TTC14: variants seen among roughly 807,000 people sequenced by gnomAD.
TTC14 encodes tetratricopeptide repeat domain 14.
Under a neutral mutation model 79.9 loss-of-function variants are expected in TTC14, and 63 were observed. The ratio of observed to expected loss-of-function variants is 0.79; its 90% confidence interval spans 0.64 to 0.97. TTC14 has a LOEUF of 0.97. Among genes scored for constraint, TTC14 ranks in the 50% least tolerant of loss-of-function variants. The pLI is 0.00. For missense variants in TTC14, 895 were observed against 894.0 expected, an observed-to-expected ratio of 1.00 and a Z score of -0.01; for synonymous variants, 335 against 309.6, an observed-to-expected ratio of 1.08 and a Z score of -0.86.
chr3:180,611,134 G>A (rs1162491339), downstream of TTC14: 13 of 985,026 alleles, frequency 1.3e-5, no homozygotes, highest in Non-Finnish European at 1.6e-5. Context: ...ACAGTCATTG[G>A]CTTCCACCCA....
At position 180,610,637 on chromosome 3, in the gene TTC14, C is replaced by T; in HGVS notation, c.*95C>T. On this transcript the variant is annotated 3_prime_UTR_variant, in exon 12 of 12. Transcript: ENST00000296015. Reference sequence around the variant, plus strand: ...CAGTTGAGTGCAGAAATCTCTGCTTCTAAAATTATTTGTAGAGATTACAGG... The same window carrying T: ...CAGTTGAGTGCAGAAATCTCTGCTTTTAAAATTATTTGTAGAGATTACAGG... 6.8e-7 allele frequency: 1 copy of T among 1,480,664 alleles called. No homozygotes were observed. Among genetic ancestry groups the T allele is most frequent in the Admixed American group, 2.6e-5 (1 of 38,762 alleles). 91.7% of individuals were successfully genotyped at this position (1,480,664 alleles called of 1,614,324 possible).
In TTC14 at chr3:180,608,818, A is replaced by C; in HGVS notation, c.1400+8A>C. 4.7e-6 allele frequency: 7 copies of C among 1,498,336 alleles called. No individual in the cohort carries two copies. The highest frequency in any genetic ancestry group is 5.3e-6 in the Non-Finnish European group (6 of 1,129,010). The allele number at this position is 1,498,336 out of a possible 1,614,324, so 92.8% of individuals were successfully genotyped here. ...CTTAAAAGAAGAGAAGAGGTAAACT[A>C]TAATATTCAGTATTTTTAAACTTAA... On this transcript the variant is annotated splice_region_variant and intron_variant, in intron 11 of 11. Coordinates refer to ENST00000296015, the MANE Select transcript of TTC14 (RefSeq NM_133462.4).
Position 180,611,067 on chromosome 3 carries a change from T to TAG in TTC14, c.*527_*528dup. ...AATTTTTTTTAAAATTTTTAAATGG[T>TAG]AGATTATATGTCTTAATTTTCCTCT... On this transcript the variant is annotated 3_prime_UTR_variant, in exon 12 of 12. Transcript: ENST00000296015. 1 of 963,860 alleles carries TAG rather than the reference T, an allele frequency of 1.0e-6. No individual in the cohort carries two copies. Among genetic ancestry groups the TAG allele is most frequent in the Non-Finnish European group, 1.2e-6 (1 of 810,280 alleles). 59.7% of individuals were successfully genotyped at this position (963,860 alleles called of 1,614,324 possible). A position where few individuals can be genotyped will look rare whatever the true frequency, so the allele number is the denominator to read the frequency against.
Position 180,611,051 on chromosome 3 carries a change from T to A in TTC14, c.*509T>A, listed in dbSNP as rs909540008. ...ATTACATTTTTTGCCCAATTTTTTT[T>A]AAAATTTTTAAATGGTAGATTATAT... On this transcript the variant is annotated 3_prime_UTR_variant, in exon 12 of 12. Coordinates refer to ENST00000296015, the MANE Select transcript of TTC14 (RefSeq NM_133462.4). 121 of 957,034 alleles carry A rather than the reference T, an allele frequency of 1.3e-4. No individual in the cohort carries two copies. The highest frequency in any genetic ancestry group is 6.9e-4 in the East Asian group (6 of 8,662). 59.3% of individuals were successfully genotyped at this position (957,034 alleles called of 1,614,324 possible).
In TTC14 at chr3:180,602,372, GGCCGCCGAGCCAGCCCGGGGCCC is replaced by G; in HGVS notation, c.118_140del (p.Glu40ProfsTer13). On this transcript the variant is annotated frameshift_variant, in exon 1 of 12. Transcript: ENST00000296015. LOFTEE classifies it high-confidence loss of function. ...CACACTTCCGTAGCCTCCTGGGGTCGGCCGCCGAGCCAGCCCGGGGCCCGCCGCCCCAGCACCCGTTGCAGGGC... is the reference window on the plus strand; with the variant it reads ...CACACTTCCGTAGCCTCCTGGGGTCGGCCGCCCCAGCACCCGTTGCAGGGC... 4 of 1,611,060 alleles carry G rather than the reference GGCCGCCGAGCCAGCCCGGGGCCC, an allele frequency of 2.5e-6. No individual in the cohort carries two copies. Among genetic ancestry groups the G allele is most frequent in the Non-Finnish European group, 3.4e-6 (4 of 1,179,556 alleles).
chr3:180,604,153 C>T, intron 3 of TTC14, 72 bp from the exon 4 acceptor site: 3 of 1,339,378 alleles, frequency 2.2e-6, no homozygotes, highest in Non-Finnish European at 3.2e-6. Flanking sequence ...TACCAAACAA[C>T]TAAGATAAAA....
downstream of TTC14, among the ~76,000 whole-genome samples, chr3:180,613,231 A>G (rs1285809324): frequency 6.6e-6 from 1 of 152,222 alleles, no homozygotes; most frequent in African/African-American, 2.4e-5. Flanking sequence ...AAGAATAGCG[A>G]CATCTTCAGT....
chr3:180,606,770 A>G (rs1716720526), intron 9 of TTC14, among the ~76,000 whole-genome samples, 167 bp downstream of exon 9: 1 of 152,208 alleles, frequency 6.6e-6, no homozygotes, highest in Admixed American at 6.5e-5. Flanking sequence ...TTTCCTAGAT[A>G]ATATACTCAA....
chr3:180,604,744 A>T, intron 5 of TTC14, 108 bp from the exon 6 acceptor site: 2 of 1,411,982 alleles, frequency 1.4e-6, no homozygotes, highest in Non-Finnish European at 1.9e-6. Flanking sequence ...ACACCATCTT[A>T]TGCAAAAAAT....
Position 180,602,492 on chromosome 3 carries a change from C to T in TTC14, c.161+70C>T, listed in dbSNP as rs533779190. On this transcript the variant is annotated intron_variant, in intron 1 of 11. Coordinates refer to ENST00000296015, the MANE Select transcript of TTC14 (RefSeq NM_133462.4). Reference sequence around the variant, plus strand: ...GCTCTGGCAGCCACTACCGCAGCCCCGGGTTTGCGTCTAGAGGAAGTGGAG... The same window carrying T: ...GCTCTGGCAGCCACTACCGCAGCCCTGGGTTTGCGTCTAGAGGAAGTGGAG... The T allele has an allele frequency of 1.2e-5, 18 of 1,495,988 alleles. No homozygotes were observed. The East Asian group carries it at 3.4e-4, about 28-fold the overall frequency. 92.7% of individuals were successfully genotyped at this position (1,495,988 alleles called of 1,614,324 possible). A position where few individuals can be genotyped will look rare whatever the true frequency, so the allele number is the denominator to read the frequency against.
chr3:180,605,601 A>G, intron 6 of TTC14, 165 bp from the exon 7 acceptor site: 2 of 567,506 alleles, frequency 3.5e-6, no homozygotes, highest in Non-Finnish European at 6.0e-6. Context: ...CTGTTTAACA[A>G]TAATAATCAT....
chr3:180,611,160 G>A (rs1716981465), downstream of TTC14: 2 of 985,038 alleles, frequency 2.0e-6, no homozygotes, highest in South Asian at 9.4e-5. Context: ...AGTGCCTTAG[G>A]AATAAGATCA....
chr3:180,613,814 CT>C (rs556233683), downstream of TTC14: 24 of 452,314 alleles, frequency 5.3e-5, no homozygotes, highest in Admixed American at 9.6e-5. Context: ...TATTACCTAC[CT>C]TTTTTTTCGC....
chr3:180,604,701 C>T, intron 5 of TTC14, 94 bp downstream of exon 5: 2 of 1,464,140 alleles, frequency 1.4e-6, no homozygotes, highest in Non-Finnish European at 1.8e-6. Context: ...TTACTTCAGA[C>T]TTGGTAAAAG....
At position 180,616,538 on chromosome 3, in the gene TTC14, A is replaced by C. The variant is rs747845102; in HGVS notation, c.1775-842A>C. ...TACCTGTTGAAAGTATGTTTGAAGG[A>C]TAATACGGATCTCAGTATTTTCTTC... On this transcript the variant is annotated intron_variant, in intron 12 of 12. Transcript: ENST00000382584. 10 of 1,576,624 alleles carry C rather than the reference A, an allele frequency of 6.3e-6. No individual in the cohort carries two copies. The highest frequency in any genetic ancestry group is 4.5e-5 in the East Asian group (2 of 44,510).
chr3:180,614,948 AT>A, downstream of TTC14: 1 of 1,566,334 alleles, frequency 6.4e-7, no homozygotes, highest in Non-Finnish European at 8.7e-7. Context: ...TGCTCTTAAC[AT>A]TACTAGAGCT....
At chr3:180,614,963 A>G (rs771010943), downstream of TTC14, 12 of 1,567,118 alleles carry the variant, frequency 7.7e-6, no homozygotes, top group East Asian at 2.3e-5. Flanking sequence ...TAGAGCTACT[A>G]CTAGCACTAG....
At chr3:180,605,694 C>A in intron 6 of TTC14, 72 bp from the exon 7 acceptor site, 3 of 1,110,694 alleles carry the variant, frequency 2.7e-6, no homozygotes, top group Non-Finnish European at 3.8e-6. Context: ...GAGTGCCTGT[C>A]AAGCAGAGTT....
At chr3:180,615,148 CA>C, downstream of TTC14, 2 of 1,109,158 alleles carry the variant, frequency 1.8e-6, no homozygotes, top group East Asian at 5.6e-5. Flanking sequence ...TCATTATTGG[CA>C]AAAGGTACCA....
Sources: allele counts gnomAD v4.1 joint callset (sites outside exome capture counted in the v4.1 genomes callset), GRCh38; gene constraint gnomAD v4.1.1; transcripts MANE v1.5; gene names NCBI Gene and HGNC (gene_info 2026-07-23, HGNC 2026-07-21).